The following MINDY3 variants were observed in gnomAD, a reference collection of about 807,000 sequenced individuals.
The protein encoded by MINDY3 is ubiquitin carboxyl-terminal hydrolase MINDY-3.
MINDY3 carries 38 observed loss-of-function variants against 69.2 expected under a neutral mutation model. The observed-to-expected ratio is 0.55, with a 90% CI of 0.42 to 0.72. MINDY3 has a LOEUF of 0.72. MINDY3 is among the 30% of genes least tolerant of loss of function. MINDY3 has a pLI of 0.00. For missense variants in MINDY3, 522 were observed against 519.0 expected, an observed-to-expected ratio of 1.01 and a Z score of -0.06; for synonymous variants, 192 against 180.1, an observed-to-expected ratio of 1.07 and a Z score of -0.53.
intron 2 of MINDY3, among the ~76,000 whole-genome samples, chr10:15,846,744 G>C (rs1397410195): frequency 7.2e-6 from 1 of 138,050 alleles, no homozygotes; most frequent in Admixed American, 7.3e-5. Flanking sequence ...TTTTTTTTGA[G>C]ACAAAGTCTC....
intron 13 of MINDY3, among the ~76,000 whole-genome samples, chr10:15,785,794 TCTTG>T (rs1440838758): frequency 3.3e-5 from 5 of 152,324 alleles, no homozygotes; most frequent in Admixed American, 6.5e-5. Context: ...AAATTTTCCC[TCTTG>T]CTTTTAAATT....
chr10:15,784,514 AC>A (rs1254862988), intron 13 of MINDY3, among the ~76,000 whole-genome samples: 1 of 152,112 alleles, frequency 6.6e-6, no homozygotes, highest in African/African-American at 2.4e-5. Context: ...GAAGGCCAGG[AC>A]GGGTGGAACA....
At position 15,785,083 on chromosome 10, in the gene MINDY3, A is replaced by G. The variant is rs542207625; in HGVS notation, c.1116+1478T>C. 2.0e-3 allele frequency among the ~76,000 whole-genome samples: 302 copies of G among 152,258 alleles called. 5 individuals carry two copies. Among genetic ancestry groups the G allele is most frequent in the Middle Eastern group, 6.8e-3 (2 of 292 alleles). On this transcript the variant is annotated intron_variant, in intron 13 of 14. Coordinates refer to ENST00000277632, the MANE Select transcript of MINDY3 (RefSeq NM_024948.4). ...TTCAGGGAGAAACCTGAGAATTAGC[A>G]TTTCTAACAAGCTCTTGGAGATCAT...
intron 1 of MINDY3, among the ~76,000 whole-genome samples, chr10:15,859,178 CAT>C (rs1189007728): frequency 1.3e-5 from 2 of 152,094 alleles, no homozygotes; most frequent in Non-Finnish European, 2.9e-5. Context: ...TTAAAACAAA[CAT>C]GTGGGAGGGA....
At chr10:15,848,450 T>C (rs191356467) in intron 1 of MINDY3, among the ~76,000 whole-genome samples, 2,587 of 151,538 alleles carry the variant, frequency 0.017, 58 homozygotes, top group African/African-American at 0.056. Flanking sequence ...CTGGCTAACA[T>C]GATGAAACCC....
At chr10:15,786,703 T>G (rs1020841614) in intron 12 of MINDY3, 55 bp from the exon 13 acceptor site, 2 of 1,054,890 alleles carry the variant, frequency 1.9e-6, no homozygotes, top group Non-Finnish European at 2.9e-6. Flanking sequence ...AAAAGCTGCT[T>G]TTCTTTCATG....
At chr10:15,798,797 C>A (rs1036673760) in intron 10 of MINDY3, among the ~76,000 whole-genome samples, 6 of 151,598 alleles carry the variant, frequency 4.0e-5, no homozygotes, top group Admixed American at 1.3e-4. Flanking sequence ...AACAAACAAA[C>A]AAAAAACCAC....
intron 1 of MINDY3, among the ~76,000 whole-genome samples, chr10:15,851,469 A>C (rs978527990): frequency 6.6e-6 from 1 of 151,800 alleles, no homozygotes; most frequent in Admixed American, 6.6e-5. Flanking sequence ...CATTTTCTCT[A>C]TGTCTCTTAC....
In MINDY3 at chr10:15,789,330, A is replaced by T; in HGVS notation, c.956-11T>A. The T allele has an allele frequency of 6.3e-7, 1 of 1,599,828 alleles. No individual in the cohort carries two copies. Among genetic ancestry groups the T allele is most frequent in the Non-Finnish European group, 8.6e-7 (1 of 1,168,316 alleles). On this transcript the variant is annotated splice_polypyrimidine_tract_variant and intron_variant, in intron 11 of 14. Transcript: ENST00000277632. ...GTATGAATCCATTATCTAGGGGGGA[A>T]AAAATCAGAAACAACTTGAAATAAG... is the stretch of plus-strand genomic sequence containing the variant.
intron 4 of MINDY3, among the ~76,000 whole-genome samples, chr10:15,840,750 G>A (rs938919977): frequency 2.6e-5 from 4 of 151,460 alleles, no homozygotes; most frequent in Admixed American, 6.6e-5. Context: ...ACTAGCTTCC[G>A]TACCACTAGC....
intron 9 of MINDY3, among the ~76,000 whole-genome samples, chr10:15,820,612 A>G (rs1839693502): frequency 6.6e-6 from 1 of 152,240 alleles, no homozygotes. Flanking sequence ...GTCACTGAAA[A>G]TACTGTTTAA....
intron 7 of MINDY3, among the ~76,000 whole-genome samples, 154 bp from the exon 8 acceptor site, chr10:15,833,863 G>A (rs183152830): frequency 9.3e-4 from 141 of 151,580 alleles, no homozygotes; most frequent in Middle Eastern, 7.0e-3. Context: ...TTATATATTC[G>A]GCCTTGCTAA....
intron 8 of MINDY3, among the ~76,000 whole-genome samples, chr10:15,827,579 C>G (rs1000687428): frequency 6.7e-6 from 1 of 150,250 alleles, no homozygotes; most frequent in Non-Finnish European, 1.5e-5. Context: ...TAAATAAAAG[C>G]CTTGGATATA....
At chr10:15,782,333 G>T in intron 13 of MINDY3, 107 bp from the exon 14 acceptor site, 2 of 757,412 alleles carry the variant, frequency 2.6e-6, no homozygotes, top group South Asian at 3.9e-5. Context: ...TCCTTTGACT[G>T]GGGACTCATT....
intron 8 of MINDY3, among the ~76,000 whole-genome samples, chr10:15,833,052 T>C (rs1832839769): frequency 6.6e-6 from 1 of 152,190 alleles, no homozygotes; most frequent in Non-Finnish European, 1.5e-5. Context: ...TATTCAGTTA[T>C]GTATCAGCTC....
intron 2 of MINDY3, among the ~76,000 whole-genome samples, chr10:15,846,089 C>T (rs1833823630): frequency 6.6e-6 from 1 of 152,100 alleles, no homozygotes; most frequent in South Asian, 2.1e-4. Context: ...TCCCAAAGTG[C>T]TGGGATTACA....
intron 14 of MINDY3, among the ~76,000 whole-genome samples, chr10:15,779,552 G>A (rs1286589052): frequency 6.6e-6 from 1 of 152,128 alleles, no homozygotes; most frequent in Non-Finnish European, 1.5e-5. Context: ...GAAACGGAGA[G>A]CTATAAAAGG....
chr10:15,841,489 T>C lies in MINDY3; in HGVS notation c.346A>G (p.Thr116Ala), dbSNP rs376669438. ...CLVSWLRGKT[T>A]EETASISGSP... ...CCAGAAATACTAGCAGTTTCCTCAG[T>C]TGTCTTTCCTCTTAACCATGAAACC... is the stretch of plus-strand genomic sequence containing the variant. The change falls in exon 4 of 15, where the codon ACT becomes GCT. Residue 116 changes from threonine to alanine, a missense_variant. Transcript: ENST00000277632. 2.5e-5 allele frequency: 40 copies of C among 1,612,078 alleles called. 1 individual carries two copies. The highest frequency in any genetic ancestry group is 2.2e-4 in the South Asian group (20 of 91,008).
chr10:15,801,822 G>A (rs1201649482), intron 10 of MINDY3, among the ~76,000 whole-genome samples: 2 of 151,836 alleles, frequency 1.3e-5, no homozygotes, highest in Non-Finnish European at 2.9e-5. Flanking sequence ...TGAGTTCATA[G>A]GATTTACAGA....
Sources: allele counts gnomAD v4.1 joint callset (sites outside exome capture counted in the v4.1 genomes callset), GRCh38; gene constraint gnomAD v4.1.1; transcripts MANE v1.5; gene names NCBI Gene and HGNC (gene_info 2026-07-23, HGNC 2026-07-21).